The following TAFA5 variants were observed in gnomAD, a reference collection of about 807,000 sequenced individuals.
TAFA5 encodes the protein chemokine-like protein TAFA-5.
Under a neutral mutation model 15.3 loss-of-function variants are expected in TAFA5, and 6 were observed. The ratio of observed to expected loss-of-function variants is 0.39; its 90% CI spans 0.21 to 0.77. The LOEUF (loss-of-function observed/expected upper bound fraction) is 0.77. TAFA5 is among the 30% of genes least tolerant of loss of function. The probability of loss-of-function intolerance (pLI) is 0.41; values close to 1 mark genes in which losing one functional copy is unlikely to be tolerated. For synonymous variants in TAFA5, 103 were observed against 80.7 expected (o/e 1.28, Z -1.48); for missense variants, 161 against 193.1 (o/e 0.83, Z 0.98).
chr22:48,553,074 G>T (rs1015530672), intron 1 of TAFA5, among the ~76,000 whole-genome samples: 1 of 152,036 alleles, frequency 6.6e-6, no homozygotes, highest in Non-Finnish European at 1.5e-5. Context: ...CACCCAGCAC[G>T]GGCTCAGCTC....
chr22:48,575,869 CGCGGCGGCGGTG>C (rs1555888880), intron 1 of TAFA5, among the ~76,000 whole-genome samples: 1 of 143,052 alleles, frequency 7.0e-6, no homozygotes, highest in Non-Finnish European at 1.5e-5. Context: ...CCTGGCCCGC[CGCGGCGGCGGTG>C]GCGGCGGCGG....
intron 1 of TAFA5, among the ~76,000 whole-genome samples, chr22:48,596,616 G>A (rs1301683751): frequency 1.3e-5 from 2 of 152,078 alleles, no homozygotes; most frequent in Non-Finnish European, 2.9e-5. Flanking sequence ...AGGCGCGTGA[G>A]TGACAAGTGA....
intron 1 of TAFA5, among the ~76,000 whole-genome samples, chr22:48,635,819 C>G (rs1480145927): frequency 1.3e-5 from 2 of 152,220 alleles, no homozygotes; most frequent in African/African-American, 4.8e-5. Flanking sequence ...GGCTTGGGTC[C>G]TGGGGGCTGA....
chr22:48,592,667 C>T (rs1924614956), intron 1 of TAFA5, among the ~76,000 whole-genome samples: 1 of 149,558 alleles, frequency 6.7e-6, no homozygotes, highest in Non-Finnish European at 1.5e-5. Context: ...CCCTCCCTCA[C>T]TCCCTCCTCT....
chr22:48,582,926 CCA>C (rs1924134591), intron 1 of TAFA5, among the ~76,000 whole-genome samples: 1 of 144,374 alleles, frequency 6.9e-6, no homozygotes. Flanking sequence ...ACCACACACG[CCA>C]CACACGAAAT....
intron 1 of TAFA5, among the ~76,000 whole-genome samples, chr22:48,507,069 A>C (rs1921016578): frequency 6.6e-6 from 1 of 152,050 alleles, no homozygotes; most frequent in African/African-American, 2.4e-5. Context: ...TTGGAGAAGG[A>C]GATGGTCATC....
intron 2 of TAFA5, among the ~76,000 whole-genome samples, chr22:48,655,059 T>A (rs1927187367): frequency 1.3e-5 from 2 of 152,118 alleles, no homozygotes; most frequent in Admixed American, 6.5e-5. Context: ...AAATGGGCAC[T>A]GTGTTTAAAG....
chr22:48,691,501 G>A (rs1275970928), intron 2 of TAFA5, among the ~76,000 whole-genome samples: 2 of 152,200 alleles, frequency 1.3e-5, no homozygotes, highest in Non-Finnish European at 2.9e-5. Flanking sequence ...AACTGGGTTC[G>A]CCTGTGTGCT....
intron 1 of TAFA5, among the ~76,000 whole-genome samples, chr22:48,585,357 A>G (rs1256297651): frequency 6.6e-6 from 1 of 150,432 alleles, no homozygotes; most frequent in African/African-American, 2.5e-5. Flanking sequence ...CACCACATAC[A>G]CATACAAAAT....
chr22:48,658,081 T>G lies in TAFA5; in HGVS notation c.262+11335T>G, dbSNP rs370895859. ...AGCCGAGAGCTGAGGGGGCCCAGCA[T>G]GTGGTGCTGGCGCGGGCCCTGATTG... On this transcript the variant is annotated intron_variant, in intron 2 of 3. Transcript: ENST00000402357. Among the ~76,000 whole-genome samples the G allele has an allele frequency of 2.0e-5, 3 of 152,270 alleles. No homozygotes were observed. The East Asian group carries it at 5.8e-4, about 29-fold the overall frequency.
intron 2 of TAFA5, among the ~76,000 whole-genome samples, chr22:48,649,321 C>T (rs532643415): frequency 4.6e-5 from 7 of 152,256 alleles, no homozygotes; most frequent in East Asian, 3.9e-4. Flanking sequence ...ACTGGCCCTC[C>T]GGCCACCAGC....
At chr22:48,551,688 G>A (rs551722584) in intron 1 of TAFA5, among the ~76,000 whole-genome samples, 17 of 152,266 alleles carry the variant, frequency 1.1e-4, no homozygotes, top group African/African-American at 2.9e-4. Context: ...CACCCTTCTC[G>A]TGGTCTGCAG....
intron 2 of TAFA5, among the ~76,000 whole-genome samples, chr22:48,677,550 TG>T (rs1928015456): frequency 6.6e-6 from 1 of 152,188 alleles, no homozygotes. Context: ...AGCAGCAACG[TG>T]GGACAGCCCA....
At chr22:48,532,641 C>T (rs1922012923) in intron 1 of TAFA5, among the ~76,000 whole-genome samples, 1 of 152,180 alleles carries the variant, frequency 6.6e-6, no homozygotes, top group South Asian at 2.1e-4. Context: ...GGGTGTGGCC[C>T]ACCCAGTCGC....
intron 1 of TAFA5, among the ~76,000 whole-genome samples, chr22:48,504,033 C>T (rs2147097481): frequency 6.6e-6 from 1 of 152,336 alleles, no homozygotes; most frequent in East Asian, 1.9e-4. Context: ...CAGGTTCCAC[C>T]CCAGAACTCA....
At chr22:48,740,594 C>G (rs929584146) in intron 3 of TAFA5, among the ~76,000 whole-genome samples, 3 of 152,134 alleles carry the variant, frequency 2.0e-5, no homozygotes, top group African/African-American at 7.2e-5. Flanking sequence ...GCTTCAGAAC[C>G]GTCTCAGCGA....
chr22:48,737,916 C>T (rs1325147304), intron 3 of TAFA5, among the ~76,000 whole-genome samples: 4 of 152,072 alleles, frequency 2.6e-5, no homozygotes, highest in East Asian at 1.9e-4. Context: ...GAGTGAGGGC[C>T]GCGGTCACTG....
At chr22:48,596,093 C>T (rs1460020776) in intron 1 of TAFA5, among the ~76,000 whole-genome samples, 2 of 152,190 alleles carry the variant, frequency 1.3e-5, no homozygotes, top group African/African-American at 4.8e-5. Flanking sequence ...TAACAAGGAG[C>T]GTAGGAATTT....
At chr22:48,671,081 T>C (rs1349699517) in intron 2 of TAFA5, among the ~76,000 whole-genome samples, 1 of 152,186 alleles carries the variant, frequency 6.6e-6, no homozygotes, top group Non-Finnish European at 1.5e-5. Context: ...AGGAATAGAC[T>C]GTGCCGTATG....
Sources: allele counts gnomAD v4.1 joint callset (sites outside exome capture counted in the v4.1 genomes callset), GRCh38; gene constraint gnomAD v4.1.1; transcripts MANE v1.5; gene names NCBI Gene and HGNC (gene_info 2026-07-23, HGNC 2026-07-21).